The following DSCAM variants were observed in gnomAD, a reference collection of about 807,000 sequenced individuals.
DSCAM encodes DS cell adhesion molecule.
In DSCAM, 47 loss-of-function variants were observed where a neutral mutation model predicts 217.7. The observed-to-expected ratio is 0.22, with a 90% confidence interval of 0.17 to 0.28. The LOEUF is 0.28. Among genes scored for constraint, DSCAM ranks in the 10% least tolerant of loss-of-function variants. DSCAM has a pLI of 1.00. For synonymous variants in DSCAM, 1,056 were observed against 1,015.3 expected (o/e 1.04, Z -0.76); for missense variants, 2,080 against 2,618.3 (o/e 0.79, Z 4.49).
chr21:40,266,633 TTTTATA>T (rs2073531430), intron 11 of DSCAM, among the ~76,000 whole-genome samples: 1 of 33,432 alleles, frequency 3.0e-5, no homozygotes. Flanking sequence ...GACAAAGATG[TTTTATA>T]TATATATATA....
intron 3 of DSCAM, among the ~76,000 whole-genome samples, chr21:40,375,065 A>G (rs1027396450): frequency 6.6e-6 from 1 of 151,838 alleles, no homozygotes; most frequent in Non-Finnish European, 1.5e-5. Context: ...CATATCTGTT[A>G]GTATCTGAGT....
At chr21:40,802,782 A>C (rs1236975389) in intron 1 of DSCAM, among the ~76,000 whole-genome samples, 1 of 152,256 alleles carries the variant, frequency 6.6e-6, no homozygotes, top group Non-Finnish European at 1.5e-5. Flanking sequence ...GACCTTCACC[A>C]GATGTGGCCC....
At chr21:40,323,834 T>A (rs1309008306) in intron 8 of DSCAM, among the ~76,000 whole-genome samples, 1 of 152,160 alleles carries the variant, frequency 6.6e-6, no homozygotes, top group Non-Finnish European at 1.5e-5. Flanking sequence ...CTGGGTGCAG[T>A]GGCTCACGCC....
chr21:40,496,304 C>A (rs942671676), intron 3 of DSCAM, among the ~76,000 whole-genome samples: 1 of 152,152 alleles, frequency 6.6e-6, no homozygotes. Flanking sequence ...ACAGATGGTA[C>A]TGGCATAGAA....
At chr21:40,189,505 G>C (rs1425909335) in intron 11 of DSCAM, among the ~76,000 whole-genome samples, 2 of 152,140 alleles carry the variant, frequency 1.3e-5, no homozygotes, top group African/African-American at 4.8e-5. Context: ...TATGGCCTAT[G>C]TCCCTTAGCA....
intron 8 of DSCAM, among the ~76,000 whole-genome samples, chr21:40,330,541 G>A (rs1291998737): frequency 6.6e-6 from 1 of 151,794 alleles, no homozygotes; most frequent in Non-Finnish European, 1.5e-5. Context: ...AAAGAAAGGT[G>A]TCTGCTTCGA....
At chr21:40,412,166 T>C (rs1171467750) in intron 3 of DSCAM, among the ~76,000 whole-genome samples, 1 of 152,212 alleles carries the variant, frequency 6.6e-6, no homozygotes, top group Non-Finnish European at 1.5e-5. Context: ...CAGTTAAACC[T>C]CTTGCTTTTG....
At chr21:40,669,763 G>A (rs2090250337) in intron 3 of DSCAM, among the ~76,000 whole-genome samples, 1 of 151,982 alleles carries the variant, frequency 6.6e-6, no homozygotes, top group Non-Finnish European at 1.5e-5. Flanking sequence ...ATTTTTAGTA[G>A]AGATGGGGTT....
At chr21:40,286,231 A>G (rs1050632908) in intron 10 of DSCAM, among the ~76,000 whole-genome samples, 2 of 152,194 alleles carry the variant, frequency 1.3e-5, no homozygotes, top group Non-Finnish European at 2.9e-5. Flanking sequence ...TGACCAAGAC[A>G]AGGGTCAGAG....
At chr21:40,385,111 T>C (rs2075069938) in intron 3 of DSCAM, 2 of 152,168 alleles carry the variant, frequency 1.3e-5, no homozygotes, top group South Asian at 4.1e-4. Flanking sequence ...CTCCCACACA[T>C]AGCTGTGACA....
chr21:40,100,635 C>CT (rs34909847), intron 20 of DSCAM, among the ~76,000 whole-genome samples: 11,964 of 131,870 alleles, frequency 0.091, 557 homozygotes, highest in African/African-American at 0.14. Flanking sequence ...GACTCTGAAT[C>CT]TTTTTTTTTT....
chr21:40,544,701 A>AT (rs2076567604), intron 3 of DSCAM, among the ~76,000 whole-genome samples: 3 of 152,128 alleles, frequency 2.0e-5, no homozygotes, highest in Admixed American at 1.3e-4. Context: ...TGTGAGAATA[A>AT]TTTTTTTAAG....
intron 3 of DSCAM, among the ~76,000 whole-genome samples, chr21:40,637,616 A>C (rs796559687): frequency 1.7e-4 from 5 of 29,630 alleles, no homozygotes; most frequent in African/African-American, 6.5e-4. Flanking sequence ...AATATATATA[A>C]ATATATACAT....
intron 3 of DSCAM, among the ~76,000 whole-genome samples, chr21:40,687,522 C>T (rs911650783): frequency 6.6e-6 from 1 of 152,018 alleles, no homozygotes; most frequent in African/African-American, 2.4e-5. Context: ...ACAGCATGAC[C>T]CTCAGGTCCC....
intron 3 of DSCAM, among the ~76,000 whole-genome samples, chr21:40,576,789 T>G (rs1439260444): frequency 6.6e-6 from 1 of 151,892 alleles, no homozygotes; most frequent in African/African-American, 2.4e-5. Context: ...TTACGTAAGG[T>G]TCAAATAAAT....
intron 3 of DSCAM, among the ~76,000 whole-genome samples, chr21:40,538,021 A>G (rs2076512884): frequency 6.6e-6 from 1 of 152,208 alleles, no homozygotes; most frequent in African/African-American, 2.4e-5. Flanking sequence ...GCTAAGTGGT[A>G]GGTGAGTGAG....
chr21:40,153,969 T>C (rs1281850413), intron 16 of DSCAM, among the ~76,000 whole-genome samples: 1 of 152,178 alleles, frequency 6.6e-6, no homozygotes, highest in South Asian at 2.1e-4. Flanking sequence ...TAGACCTTCC[T>C]GGTCTTGGGA....
chr21:40,153,125 G>A (rs1011765), intron 16 of DSCAM, among the ~76,000 whole-genome samples: 28,388 of 152,084 alleles, frequency 0.19, 3,118 homozygotes, highest in Middle Eastern at 0.26. Context: ...ATCTTTGTGC[G>A]TTTTCTGCAG....
intron 20 of DSCAM, among the ~76,000 whole-genome samples, chr21:40,110,082 C>A (rs1453450955): frequency 6.6e-6 from 1 of 152,216 alleles, no homozygotes; most frequent in Non-Finnish European, 1.5e-5. Context: ...GTTCCCCTAG[C>A]ATGCAGCTGG....
Sources: allele counts gnomAD v4.1 joint callset (sites outside exome capture counted in the v4.1 genomes callset), GRCh38; gene constraint gnomAD v4.1.1; transcripts MANE v1.5; gene names NCBI Gene and HGNC (gene_info 2026-07-23, HGNC 2026-07-21).